PKD2L2: variants seen among roughly 807,000 people sequenced by gnomAD.
PKD2L2 encodes the protein polycystin 2 like 2, transient receptor potential cation channel.
PKD2L2 carries 67 observed loss-of-function variants against 83.9 expected under a neutral mutation model. That is an observed-to-expected ratio of 0.80 (90% CI 0.66 to 0.98). The LOEUF is 0.98. Ranked by LOEUF, PKD2L2 falls within the 50% of genes least tolerant of loss-of-function variation. PKD2L2 has a pLI of 0.00. For missense variants in PKD2L2, 632 were observed against 717.2 expected, an observed-to-expected ratio of 0.88 and a Z score of 1.36; for synonymous variants, 223 against 237.8, an observed-to-expected ratio of 0.94 and a Z score of 0.57.
intron 4 of PKD2L2, among the ~76,000 whole-genome samples, chr5:137,899,086 C>CT (rs1450655890): frequency 6.6e-6 from 1 of 152,040 alleles, no homozygotes; most frequent in Admixed American, 6.6e-5. Context: ...TTTTAAAAAA[C>CT]TACTACTTTT....
At chr5:137,891,175 T>C in intron 2 of PKD2L2, among the ~76,000 whole-genome samples, 1 of 152,210 alleles carries the variant, frequency 6.6e-6, no homozygotes, top group Non-Finnish European at 1.5e-5. Flanking sequence ...GCACCCAACA[T>C]AACAGTAGAT....
intron 8 of PKD2L2, among the ~76,000 whole-genome samples, chr5:137,918,634 G>C (rs1758594876): frequency 1.3e-5 from 2 of 152,286 alleles, no homozygotes; most frequent in South Asian, 4.1e-4. Flanking sequence ...AATGAGTAGG[G>C]GATGCATAGC....
intron 12 of PKD2L2, among the ~76,000 whole-genome samples, chr5:137,929,187 C>A (rs946036896): frequency 2.6e-5 from 4 of 152,068 alleles, no homozygotes; most frequent in African/African-American, 7.2e-5. Flanking sequence ...GATGGCCGGG[C>A]GCAATGGCTC....
At chr5:137,921,515 T>A in intron 8 of PKD2L2, 121 bp from the exon 9 acceptor site, 1 of 649,452 alleles carries the variant, frequency 1.5e-6, no homozygotes, top group Non-Finnish European at 2.6e-6. Context: ...CTAACATAAT[T>A]AAAGTCAGAA....
chr5:137,918,635 G>T (rs1428016748), intron 8 of PKD2L2, among the ~76,000 whole-genome samples: 1 of 152,184 alleles, frequency 6.6e-6, no homozygotes, highest in Non-Finnish European at 1.5e-5. Context: ...ATGAGTAGGG[G>T]ATGCATAGCT....
At chr5:137,907,988 G>A in intron 7 of PKD2L2, 76 bp downstream of exon 7, 4 of 684,980 alleles carry the variant, frequency 5.8e-6, no homozygotes, top group Non-Finnish European at 8.7e-6. Context: ...AAAGCCATGG[G>A]GAAAAAAGAT....
chr5:137,918,844 C>CT (rs796480261), intron 8 of PKD2L2, among the ~76,000 whole-genome samples: 106,067 of 144,632 alleles, frequency 0.73, 39,226 homozygotes, highest in East Asian at 0.96. Context: ...TTCCAAGAAT[C>CT]TTTTTTTTTT....
Position 137,914,031 on chromosome 5 carries a change from CTTTTTTTTTTTTTTTTTTTTTTTT to C in PKD2L2, c.1328+5101_1328+5124del, listed in dbSNP as rs58118724. The stretch of plus-strand genomic sequence containing the variant: ...TACAGTCATGCACCACCACACTTGG[CTTTTTTTTTTTTTTTTTTTTTTTT>C]TTTTTTTTTTTTTTTGATAGAGACA... On this transcript the variant is annotated intron_variant, in intron 8 of 14. Coordinates refer to ENST00000508883, the MANE Select transcript of PKD2L2 (RefSeq NM_001300921.2). Among the ~76,000 whole-genome samples, 6 of 42,342 alleles carry C rather than the reference CTTTTTTTTTTTTTTTTTTTTTTTT, an allele frequency of 1.4e-4. No homozygotes were observed. The East Asian group carries it at 3.3e-3, about 23-fold the overall frequency. 27.8% of individuals were successfully genotyped at this position (42,342 alleles called of 152,430 possible). A position where few individuals can be genotyped will look rare whatever the true frequency, so the allele number is the denominator to read the frequency against.
intron 10 of PKD2L2, among the ~76,000 whole-genome samples, chr5:137,924,037 A>G (rs1759162880): frequency 6.6e-6 from 1 of 152,130 alleles, no homozygotes; most frequent in Admixed American, 6.5e-5. Context: ...TGTATAGTTT[A>G]TCTCTGCAGT....
chr5:137,932,739 AT>A (rs920026282), intron 12 of PKD2L2, among the ~76,000 whole-genome samples: 1 of 151,970 alleles, frequency 6.6e-6, no homozygotes. Flanking sequence ...TAGAGTTCAG[AT>A]TTTTTTTGGA....
At chr5:137,918,960 G>T (rs1758637249) in intron 8 of PKD2L2, among the ~76,000 whole-genome samples, 1 of 148,818 alleles carries the variant, frequency 6.7e-6, no homozygotes, top group Non-Finnish European at 1.5e-5. Context: ...GTGTGTGTGT[G>T]TGTGTGTGAG....
At chr5:137,940,121 TCTGAGTGC>T in intron 14 of PKD2L2, 1 of 1,614,134 alleles carries the variant, frequency 6.2e-7, no homozygotes. Context: ...AATGAGATTC[TCTGAGTGC>T]CTGACAAAAC....
At chr5:137,904,391 T>C (rs932130981) in intron 5 of PKD2L2, among the ~76,000 whole-genome samples, 1 of 152,134 alleles carries the variant, frequency 6.6e-6, no homozygotes, top group African/African-American at 2.4e-5. Flanking sequence ...TAATGACTGC[T>C]AAAGAGGCAA....
chr5:137,923,769 CA>C, intron 10 of PKD2L2, among the ~76,000 whole-genome samples: 1 of 152,262 alleles, frequency 6.6e-6, no homozygotes, highest in South Asian at 2.1e-4. Flanking sequence ...TTCAATATAT[CA>C]AATAGTTATT....
chr5:137,894,526 T>C lies in PKD2L2; in HGVS notation c.441T>C (p.Phe147=). ...RNNTCKVYSS[F]QSLMSECYGK... The stretch of plus-strand genomic sequence containing the variant: ...ACACATGCAAAGTCTATTCATCTTT[T>C]CAGTCTTTGATGAGTGAATGTTATG... Residue 147 remains phenylalanine (F), a synonymous_variant, in exon 4 of 15, where the codon TTT becomes TTC. Transcript: ENST00000508883. The C allele has an allele frequency of 6.2e-7, 1 of 1,613,366 alleles. No homozygotes were observed. Among genetic ancestry groups the C allele is most frequent in the Non-Finnish European group, 8.5e-7 (1 of 1,179,292 alleles).
At chr5:137,935,539 AG>A (rs1209423018) in intron 12 of PKD2L2, among the ~76,000 whole-genome samples, 3 of 152,264 alleles carry the variant, frequency 2.0e-5, no homozygotes, top group African/African-American at 7.2e-5. Flanking sequence ...GGGAAAAGGC[AG>A]TGAAATGTAA....
In PKD2L2 at chr5:137,907,792, T is replaced by C; in HGVS notation, c.1026T>C (p.Phe342=). ...ACACATACTATAATGTACAAATTTT[T>C]CTCTTACTTGGACAGCTGTTGAAAA... is the stretch of plus-strand genomic sequence containing the variant. The part of the protein sequence containing the change: ...SFNTYYNVQI[F]LLLGQLLKST... Residue 342 remains phenylalanine, a synonymous_variant, in exon 7 of 15, where the codon TTT becomes TTC. Coordinates refer to ENST00000508883, the MANE Select transcript of PKD2L2 (RefSeq NM_001300921.2). 3 of 1,588,584 alleles carry C rather than the reference T, an allele frequency of 1.9e-6. No individual in the cohort carries two copies. Among genetic ancestry groups the C allele is most frequent in the Non-Finnish European group, 2.6e-6 (3 of 1,166,096 alleles).
chr5:137,941,084 T>C (rs958942267), intron 14 of PKD2L2, among the ~76,000 whole-genome samples: 4 of 152,066 alleles, frequency 2.6e-5, no homozygotes, highest in African/African-American at 9.7e-5. Flanking sequence ...TTTTTTTGTA[T>C]TTTTCGGTAG....
chr5:137,933,470 A>G (rs1348859105), intron 12 of PKD2L2, among the ~76,000 whole-genome samples: 3 of 152,212 alleles, frequency 2.0e-5, no homozygotes, highest in Admixed American at 2.0e-4. Context: ...TATTCCTTAG[A>G]TAAAGGAGAA....
Sources: gnomAD v4.1 joint callset for allele counts (sites outside exome capture counted in the v4.1 genomes callset) on GRCh38, gnomAD v4.1.1 for gene constraint, MANE v1.5 for transcripts, NCBI Gene and HGNC (gene_info 2026-07-23, HGNC 2026-07-21) for gene names.